Variants in TESK2 observed in about 807,000 individuals in gnomAD.
TESK2 encodes dual specificity testis-specific protein kinase 2.
TESK2 carries 39 observed loss-of-function variants against 57.1 expected under a neutral mutation model. The ratio of observed to expected loss-of-function variants is 0.68; its 90% CI spans 0.53 to 0.89. TESK2 has a LOEUF of 0.89. TESK2 is among the 40% of genes least tolerant of loss of function. The pLI is 0.00. For missense variants in TESK2, 646 were observed against 732.1 expected (o/e 0.88, Z 1.36); for synonymous variants, 249 against 267.9 (o/e 0.93, Z 0.69).
intron 4 of TESK2, among the ~76,000 whole-genome samples, chr1:45,355,775 T>TA (rs1647393195): frequency 1.3e-5 from 2 of 151,782 alleles, no homozygotes; most frequent in Non-Finnish European, 2.9e-5. Context: ...AGAGAGGAAA[T>TA]AAGGAGTCAG....
intron 2 of TESK2, among the ~76,000 whole-genome samples, chr1:45,440,949 C>CT (rs1651421995): frequency 5.9e-5 from 9 of 152,250 alleles, no homozygotes; most frequent in African/African-American, 2.2e-4. Context: ...CCAACAACCA[C>CT]ATAAAGTTAG....
chr1:45,428,590 C>T (rs1017973009), intron 2 of TESK2, among the ~76,000 whole-genome samples: 1 of 151,974 alleles, frequency 6.6e-6, no homozygotes, highest in African/African-American at 2.4e-5. Context: ...GCAGCCTCCC[C>T]CTCCTGAGAT....
chr1:45,458,359 G>GT (rs1197406748), intron 1 of TESK2, among the ~76,000 whole-genome samples: 1 of 152,192 alleles, frequency 6.6e-6, no homozygotes, highest in Non-Finnish European at 1.5e-5. Context: ...GAGGTCAGGA[G>GT]TTTGAGACCA....
chr1:45,415,548 T>TAACAAC (rs550072246), intron 3 of TESK2, among the ~76,000 whole-genome samples: 6 of 151,538 alleles, frequency 4.0e-5, no homozygotes, highest in Non-Finnish European at 8.8e-5. Flanking sequence ...AAAAACTAAA[T>TAACAAC]AACAACAACA....
At chr1:45,396,476 T>C (rs1464260205) in intron 3 of TESK2, among the ~76,000 whole-genome samples, 2 of 152,092 alleles carry the variant, frequency 1.3e-5, no homozygotes, top group Non-Finnish European at 2.9e-5. Context: ...ATGATAATGA[T>C]GATGGTATGA....
chr1:45,392,444 TG>T (rs1223858962), intron 3 of TESK2, among the ~76,000 whole-genome samples: 3 of 149,378 alleles, frequency 2.0e-5, no homozygotes, highest in Non-Finnish European at 4.4e-5. Flanking sequence ...GGCTCACGCC[TG>T]TAATCCCAGC....
intron 4 of TESK2, among the ~76,000 whole-genome samples, chr1:45,368,680 G>T (rs1249270915): frequency 2.0e-5 from 3 of 150,940 alleles, no homozygotes; most frequent in Non-Finnish European, 3.0e-5. Flanking sequence ...CGGCTGGTTG[G>T]TTGTTTGTTT....
chr1:45,352,991 T>G (rs1352898068), intron 5 of TESK2, among the ~76,000 whole-genome samples: 1 of 152,016 alleles, frequency 6.6e-6, no homozygotes, highest in Non-Finnish European at 1.5e-5. Context: ...CACCATCTCC[T>G]GGGTTCAAGC....
chr1:45,419,043 T>C (rs946819645), intron 3 of TESK2, among the ~76,000 whole-genome samples: 1 of 150,694 alleles, frequency 6.6e-6, no homozygotes, highest in African/African-American at 2.5e-5. Context: ...AGTGGCGCAA[T>C]CTCAGCTCAC....
At chr1:45,435,670 A>G (rs895158956) in intron 2 of TESK2, among the ~76,000 whole-genome samples, 4 of 121,956 alleles carry the variant, frequency 3.3e-5, no homozygotes, top group African/African-American at 1.3e-4. Flanking sequence ...TGAAACCCCT[A>G]TGTTTTCTTC....
At chr1:45,418,591 C>T (rs1465589815) in intron 3 of TESK2, among the ~76,000 whole-genome samples, 6 of 152,156 alleles carry the variant, frequency 3.9e-5, no homozygotes, top group African/African-American at 1.4e-4. Flanking sequence ...GACTTTGGCC[C>T]ATACATAATC....
At chr1:45,465,344 G>A (rs1652500117) in intron 1 of TESK2, among the ~76,000 whole-genome samples, 1 of 151,932 alleles carries the variant, frequency 6.6e-6, no homozygotes, top group African/African-American at 2.4e-5. Context: ...CCATGAGGCA[G>A]AGGTTGAAGT....
At chr1:45,389,264 T>C (rs757219596) in intron 3 of TESK2, among the ~76,000 whole-genome samples, 2 of 152,074 alleles carry the variant, frequency 1.3e-5, no homozygotes, top group Admixed American at 6.6e-5. Context: ...TATACATATG[T>C]TAGCTGGGTG....
intron 3 of TESK2, among the ~76,000 whole-genome samples, chr1:45,387,183 T>C (rs1406518023): frequency 6.6e-6 from 1 of 152,110 alleles, no homozygotes; most frequent in African/African-American, 2.4e-5. Context: ...AACAGCATGG[T>C]ATAATGGAAA....
At chr1:45,467,533 T>C (rs1652603166) in intron 1 of TESK2, among the ~76,000 whole-genome samples, 1 of 152,100 alleles carries the variant, frequency 6.6e-6, no homozygotes, top group Non-Finnish European at 1.5e-5. Context: ...GGTTTCACCA[T>C]GTTGGTCAGG....
At chr1:45,357,832 C>A (rs144501950) in intron 4 of TESK2, among the ~76,000 whole-genome samples, 1 of 150,988 alleles carries the variant, frequency 6.6e-6, no homozygotes, top group East Asian at 1.9e-4. Flanking sequence ...ATGGAGAAAC[C>A]CTGTCTCTAC....
intron 2 of TESK2, among the ~76,000 whole-genome samples, chr1:45,423,836 AG>A (rs987603807): frequency 2.6e-5 from 4 of 152,216 alleles, no homozygotes; most frequent in African/African-American, 9.6e-5. Context: ...CACACTCCAC[AG>A]GTTTCATAAA....
At chr1:45,379,372 T>C (rs1001335231) in intron 4 of TESK2, among the ~76,000 whole-genome samples, 1 of 152,222 alleles carries the variant, frequency 6.6e-6, no homozygotes, top group Non-Finnish European at 1.5e-5. Context: ...CTATGCTGCC[T>C]AGGCTGGTCT....
At position 45,344,747 on chromosome 1, in the gene TESK2, A is replaced by G. The variant is rs1213552505; in HGVS notation, c.*93T>C. 15 of 1,253,630 alleles carry G rather than the reference A, an allele frequency of 1.2e-5. No individual in the cohort carries two copies. Among genetic ancestry groups the G allele is most frequent in the East Asian group, 9.5e-5 (4 of 42,022 alleles). 77.7% of individuals were successfully genotyped at this position (1,253,630 alleles called of 1,614,324 possible). A position where few individuals can be genotyped will look rare whatever the true frequency, so the allele number is the denominator to read the frequency against. ...GCTTGGCCTAGCCTGCCTGCTCTGT[A>G]GGCTCCAGGGAAGAATCAAGGCTGT... On this transcript the variant is annotated 3_prime_UTR_variant, in exon 11 of 11. Transcript: ENST00000372086.
Sources: allele counts gnomAD v4.1 joint callset (sites outside exome capture counted in the v4.1 genomes callset), GRCh38; gene constraint gnomAD v4.1.1; transcripts MANE v1.5; gene names NCBI Gene and HGNC (gene_info 2026-07-23, HGNC 2026-07-21).